GRIK1: variants seen among roughly 807,000 people sequenced by gnomAD.
The protein encoded by GRIK1 is glutamate receptor ionotropic, kainate 1.
A neutral mutation model predicts 105.7 loss-of-function variants in GRIK1; 69 were observed. The ratio of observed to expected loss-of-function variants is 0.65; its 90% CI spans 0.54 to 0.80. The LOEUF is 0.80. GRIK1 is among the 30% of genes least tolerant of loss of function. The probability of loss-of-function intolerance (pLI) is 0.00; values close to 1 mark genes in which losing one functional copy is unlikely to be tolerated. For synonymous variants in GRIK1, 438 were observed against 431.3 expected, an observed-to-expected ratio of 1.02 and a Z score of -0.19; for missense variants, 1,109 against 1,167.3, an observed-to-expected ratio of 0.95 and a Z score of 0.73.
chr21:29,670,571 T>G (rs1195813233), intron 4 of GRIK1, among the ~76,000 whole-genome samples: 1 of 152,186 alleles, frequency 6.6e-6, no homozygotes, highest in Non-Finnish European at 1.5e-5. Flanking sequence ...GACCTGCCTT[T>G]GGGAGAGATG....
At chr21:29,827,962 T>C (rs931141447) in intron 1 of GRIK1, among the ~76,000 whole-genome samples, 4 of 150,254 alleles carry the variant, frequency 2.7e-5, no homozygotes, top group Non-Finnish European at 5.9e-5. Flanking sequence ...TGTCTTTCTA[T>C]AATATAGTTA....
chr21:29,837,783 C>T (rs1167920442), intron 1 of GRIK1, among the ~76,000 whole-genome samples: 2 of 152,106 alleles, frequency 1.3e-5, no homozygotes, highest in African/African-American at 2.4e-5. Context: ...GTAAACAGTG[C>T]CACTGTTCCA....
intron 7 of GRIK1, among the ~76,000 whole-genome samples, chr21:29,618,275 G>T (rs900468877): frequency 1.3e-5 from 2 of 152,078 alleles, no homozygotes; most frequent in Non-Finnish European, 2.9e-5. Flanking sequence ...CAGGGCATTC[G>T]GGCTTCATGA....
At chr21:29,619,321 C>A (rs2061932617) in intron 7 of GRIK1, among the ~76,000 whole-genome samples, 1 of 151,254 alleles carries the variant, frequency 6.6e-6, no homozygotes, top group Non-Finnish European at 1.5e-5. Context: ...CCTGTAGGCC[C>A]AGCTACTCAG....
At chr21:29,558,010 A>G (rs1433600936) in intron 15 of GRIK1, among the ~76,000 whole-genome samples, 1 of 152,202 alleles carries the variant, frequency 6.6e-6, no homozygotes, top group Non-Finnish European at 1.5e-5. Flanking sequence ...ATCTCTGTTT[A>G]AAGTTGGTCT....
intron 1 of GRIK1, among the ~76,000 whole-genome samples, chr21:29,782,877 T>C (rs975963594): frequency 1.3e-5 from 2 of 152,210 alleles, no homozygotes; most frequent in Non-Finnish European, 2.9e-5. Context: ...TAAACAATGC[T>C]GCAATGAACA....
intron 14 of GRIK1, among the ~76,000 whole-genome samples, chr21:29,576,151 A>G (rs1317895043): frequency 6.6e-6 from 1 of 152,132 alleles, no homozygotes; most frequent in Admixed American, 6.5e-5. Flanking sequence ...TAGAGTGAAG[A>G]GTTGAACTTC....
chr21:29,818,643 G>A (rs1404018294), intron 1 of GRIK1, among the ~76,000 whole-genome samples: 1 of 152,172 alleles, frequency 6.6e-6, no homozygotes, highest in South Asian at 2.1e-4. Flanking sequence ...AATGGATATT[G>A]CCTGCTCCTG....
At chr21:29,616,916 G>T (rs1321478534) in intron 7 of GRIK1, among the ~76,000 whole-genome samples, 1 of 152,118 alleles carries the variant, frequency 6.6e-6, no homozygotes, top group East Asian at 1.9e-4. Flanking sequence ...TAACATTACA[G>T]TTCAATGGAA....
intron 1 of GRIK1, among the ~76,000 whole-genome samples, chr21:29,758,376 G>A (rs779939800): frequency 9.2e-5 from 14 of 152,204 alleles, no homozygotes; most frequent in South Asian, 2.1e-4. Flanking sequence ...GCAAAGTCAC[G>A]TCTTCCATGG....
intron 1 of GRIK1, among the ~76,000 whole-genome samples, chr21:29,738,077 G>T (rs1311283973): frequency 6.6e-6 from 1 of 152,246 alleles, no homozygotes; most frequent in Non-Finnish European, 1.5e-5. Flanking sequence ...AGCTCAAGAA[G>T]CTAGTCTACA....
chr21:29,639,099 C>G (rs1176078483), intron 7 of GRIK1, among the ~76,000 whole-genome samples: 4 of 152,196 alleles, frequency 2.6e-5, no homozygotes, highest in Non-Finnish European at 5.9e-5. Flanking sequence ...GTGGACAGGT[C>G]TAGTCCAGCT....
At chr21:29,776,391 C>T (rs1027354769) in intron 1 of GRIK1, among the ~76,000 whole-genome samples, 5 of 152,140 alleles carry the variant, frequency 3.3e-5, no homozygotes, top group East Asian at 1.9e-4. Flanking sequence ...AAACACTTCT[C>T]GTGTAATCAG....
chr21:29,720,522 G>A (rs1423127237), intron 1 of GRIK1, among the ~76,000 whole-genome samples: 1 of 151,966 alleles, frequency 6.6e-6, no homozygotes, highest in African/African-American at 2.4e-5. Context: ...TATGCTGCGT[G>A]TGTGTATATG....
chr21:29,899,659 C>T (rs954790165), intron 1 of GRIK1, among the ~76,000 whole-genome samples: 4 of 151,784 alleles, frequency 2.6e-5, no homozygotes, highest in African/African-American at 7.3e-5. Context: ...AGAATAACCT[C>T]AAGGGGACTG....
rs993985008 is a variant in GRIK1 at position 29,848,705 on chromosome 21, A to G, written c.118+90678T>C. On this transcript the variant is annotated intron_variant, in intron 1 of 17. Coordinates refer to ENST00000327783, the MANE Select transcript of GRIK1 (RefSeq NM_001330994.2). ...GGCATTTGCATACCGTTTATTACAT[A>G]TACTACAGCTTGCCTTCTTTGGGTT... Among the ~76,000 whole-genome samples, 3 of 147,868 alleles carry G rather than the reference A, an allele frequency of 2.0e-5. 1 individual carries two copies. In the South Asian group the frequency reaches 6.3e-4, roughly 31 times the overall value.
chr21:29,735,974 T>C (rs929968361), intron 1 of GRIK1, among the ~76,000 whole-genome samples: 1 of 151,716 alleles, frequency 6.6e-6, no homozygotes, highest in Non-Finnish European at 1.5e-5. Context: ...AAGTGAAATA[T>C]AAAAAGAAAT....
intron 1 of GRIK1, among the ~76,000 whole-genome samples, chr21:29,916,506 G>C (rs1201117777): frequency 6.6e-6 from 1 of 151,822 alleles, no homozygotes; most frequent in Non-Finnish European, 1.5e-5. Context: ...AAAAATAGAG[G>C]ATAACACCTT....
intron 1 of GRIK1, among the ~76,000 whole-genome samples, chr21:29,768,016 G>C (rs1481620226): frequency 6.6e-6 from 1 of 152,130 alleles, no homozygotes; most frequent in African/African-American, 2.4e-5. Context: ...GCTGGCAATG[G>C]GGTCCCAGCT....
Sources: gnomAD v4.1 joint callset for allele counts (sites outside exome capture counted in the v4.1 genomes callset) on GRCh38, gnomAD v4.1.1 for gene constraint, MANE v1.5 for transcripts, NCBI Gene and HGNC (gene_info 2026-07-23, HGNC 2026-07-21) for gene names.